GPHN: variants seen among roughly 807,000 people sequenced by gnomAD.
GPHN encodes gephyrin.
Under a neutral mutation model 95.5 loss-of-function variants are expected in GPHN, and 17 were observed. The ratio of observed to expected loss-of-function variants is 0.18; its 90% confidence interval spans 0.12 to 0.27. The LOEUF is 0.27. GPHN is among the 10% of genes least tolerant of loss of function. The probability of loss-of-function intolerance (pLI) is 1.00; values close to 1 mark genes in which losing one functional copy is unlikely to be tolerated. For synonymous variants in GPHN, 320 were observed against 322.5 expected, an observed-to-expected ratio of 0.99 and a Z score of 0.08; for missense variants, 660 against 978.1, an observed-to-expected ratio of 0.67 and a Z score of 4.34.
chr14:67,722,741 G>T, the GPHN span: 4 of 1,571,458 alleles, frequency 2.5e-6, no homozygotes, highest in East Asian at 8.9e-5. Flanking sequence ...TCAAACAATC[G>T]TTTACAAAGA....
chr14:66,708,122 A>G (rs2069267338), intron 2 of GPHN, among the ~76,000 whole-genome samples: 5 of 152,156 alleles, frequency 3.3e-5, no homozygotes, highest in Non-Finnish European at 1.5e-5. Flanking sequence ...AGTGCTCAGT[A>G]TCATTGCAGG....
At chr14:67,554,233 G>C in the GPHN span, among the ~76,000 whole-genome samples, 1 of 152,174 alleles carries the variant, frequency 6.6e-6, no homozygotes, top group Non-Finnish European at 1.5e-5. Context: ...GCAGGCTGGG[G>C]GGTCCTGCTC....
At chr14:67,378,879 C>A in the GPHN span, among the ~76,000 whole-genome samples, 7 of 152,186 alleles carry the variant, frequency 4.6e-5, no homozygotes, top group African/African-American at 1.7e-4. Flanking sequence ...TCAGTGATAA[C>A]CACTATTCTG....
intron 8 of GPHN, among the ~76,000 whole-genome samples, chr14:66,955,371 C>G (rs995049508): frequency 6.6e-6 from 1 of 152,020 alleles, no homozygotes; most frequent in African/African-American, 2.4e-5. Context: ...TTATCTAGGT[C>G]ATGCAACTTG....
chr14:67,534,146 CTGTT>C, the GPHN span, among the ~76,000 whole-genome samples: 6 of 152,316 alleles, frequency 3.9e-5, no homozygotes, highest in South Asian at 2.1e-4. Context: ...CTTCATCAAA[CTGTT>C]TGGACTGTCT....
the GPHN span, chr14:67,271,868 T>G: frequency 6.6e-6 from 1 of 152,120 alleles, no homozygotes; most frequent in Non-Finnish European, 1.5e-5. Flanking sequence ...GTCAGGAGTT[T>G]GAGACCAGCC....
chr14:67,541,486 T>G, the GPHN span, among the ~76,000 whole-genome samples: 1 of 152,276 alleles, frequency 6.6e-6, no homozygotes, highest in Admixed American at 6.5e-5. Flanking sequence ...GGGTCAGGCA[T>G]ATAAGTAGCT....
the GPHN span, chr14:67,685,025 TC>T: frequency 6.2e-7 from 1 of 1,607,752 alleles, no homozygotes; most frequent in Non-Finnish European, 8.5e-7. Context: ...CTGAAATGAT[TC>T]CCACTTAGAA....
At chr14:67,343,397 G>A in the GPHN span, 7 of 1,612,210 alleles carry the variant, frequency 4.3e-6, no homozygotes, top group South Asian at 1.1e-5. Context: ...TTACACGCCT[G>A]TTGGTTATCT....
the GPHN span, among the ~76,000 whole-genome samples, chr14:67,323,232 C>CATGTGT: frequency 3.3e-4 from 48 of 143,618 alleles, no homozygotes; most frequent in African/African-American, 1.2e-3. Flanking sequence ...CATATATACA[C>CATGTGT]GTGTGTGTGT....
At chr14:66,636,150 G>C (rs1484334424) in intron 1 of GPHN, among the ~76,000 whole-genome samples, 3 of 152,030 alleles carry the variant, frequency 2.0e-5, no homozygotes, top group Non-Finnish European at 4.4e-5. Flanking sequence ...AACTCCATTA[G>C]AGTTTCATTT....
At chr14:66,860,543 C>CT (rs2062983845) in intron 4 of GPHN, among the ~76,000 whole-genome samples, 3 of 151,856 alleles carry the variant, frequency 2.0e-5, no homozygotes, top group Admixed American at 2.0e-4. Flanking sequence ...AAAATATCAT[C>CT]TGACAGTGCA....
chr14:66,982,018 GT>G (rs2070716136), intron 9 of GPHN, among the ~76,000 whole-genome samples: 1 of 152,092 alleles, frequency 6.6e-6, no homozygotes, highest in South Asian at 2.1e-4. Context: ...AAATATGAAT[GT>G]ATATACCCAG....
At chr14:67,204,951 G>C in the GPHN span, 2 of 1,607,192 alleles carry the variant, frequency 1.2e-6, no homozygotes, top group African/African-American at 2.7e-5. Flanking sequence ...CAGAGGTCCC[G>C]GATGTAAGAA....
the GPHN span, among the ~76,000 whole-genome samples, chr14:67,266,945 A>G: frequency 2.6e-5 from 4 of 151,890 alleles, no homozygotes; most frequent in South Asian, 8.3e-4. Flanking sequence ...CCCTATCTCT[A>G]CTAAAAATAC....
chr14:66,879,728 A>G (rs2063839125), intron 4 of GPHN, among the ~76,000 whole-genome samples: 1 of 152,126 alleles, frequency 6.6e-6, no homozygotes, highest in African/African-American at 2.4e-5. Flanking sequence ...CTGCTAATAT[A>G]AAAATTTTCT....
At chr14:66,683,010 T>TA (rs56342549) in intron 2 of GPHN, among the ~76,000 whole-genome samples, 5,967 of 149,002 alleles carry the variant, frequency 0.04, 168 homozygotes, top group Middle Eastern at 0.066. Context: ...TTTAGTATTC[T>TA]AAAAAAAAAA....
chr14:66,982,966 T>C (rs971901749), intron 9 of GPHN, among the ~76,000 whole-genome samples: 1 of 152,152 alleles, frequency 6.6e-6, no homozygotes, highest in Non-Finnish European at 1.5e-5. Flanking sequence ...TAATCAAGCA[T>C]TTGGCCGGGC....
At chr14:66,621,664 C>A (rs1163000013) in intron 1 of GPHN, among the ~76,000 whole-genome samples, 1 of 152,098 alleles carries the variant, frequency 6.6e-6, no homozygotes, top group East Asian at 1.9e-4. Context: ...ACCTTGTGAT[C>A]CACCGCCTCG....
Sources: allele counts gnomAD v4.1 joint callset (sites outside exome capture counted in the v4.1 genomes callset), GRCh38; gene constraint gnomAD v4.1.1; transcripts MANE v1.5; gene names NCBI Gene and HGNC (gene_info 2026-07-23, HGNC 2026-07-21).